DMD: variants seen among roughly 807,000 people sequenced by gnomAD.
DMD encodes mutant dystrophin.
DMD carries 63 observed loss-of-function variants against 330.1 expected under a neutral mutation model. That is an observed-to-expected ratio of 0.19 (90% CI 0.16 to 0.24). The LOEUF (loss-of-function observed/expected upper bound fraction) is 0.24. DMD is among the 10% of genes least tolerant of loss of function. The probability of loss-of-function intolerance (pLI) is 1.00; values close to 1 mark genes in which losing one functional copy is unlikely to be tolerated. For synonymous variants in DMD, 1,223 were observed against 959.8 expected, an observed-to-expected ratio of 1.27 and a Z score of -5.07; for missense variants, 3,344 against 2,684.1, an observed-to-expected ratio of 1.25 and a Z score of -5.43.
intron 2 of DMD, among the ~76,000 whole-genome samples, chrX:32,909,691 C>T (rs1412276035): frequency 9.0e-6 from 1 of 111,690 alleles, no homozygotes; most frequent in Non-Finnish European, 1.9e-5. Flanking sequence ...TACACACATC[C>T]AGTAAGAAAT....
At chrX:32,577,046 A>T (rs1426252425) in intron 13 of DMD, among the ~76,000 whole-genome samples, 2 of 111,875 alleles carry the variant, frequency 1.8e-5, no homozygotes, top group East Asian at 5.6e-4. Context: ...CACCTACTAC[A>T]TCGGAATGTG....
chrX:32,564,914 T>A (rs2051504660), intron 16 of DMD, among the ~76,000 whole-genome samples: 1 of 111,775 alleles, frequency 8.9e-6, no homozygotes, highest in African/African-American at 3.3e-5. Context: ...GCTATGAATT[T>A]TGAGTAAAGT....
At chrX:31,299,356 TA>T (rs202148271) in intron 62 of DMD, among the ~76,000 whole-genome samples, 4 of 108,863 alleles carry the variant, frequency 3.7e-5, no homozygotes, top group South Asian at 3.9e-4. Flanking sequence ...AATTTGAAGG[TA>T]AAAAAAAAGC....
At chrX:32,804,949 C>G (rs2076846559) in intron 7 of DMD, among the ~76,000 whole-genome samples, 1 of 111,962 alleles carries the variant, frequency 8.9e-6, no homozygotes. Flanking sequence ...CTCAGAAACC[C>G]CATCTGAAGG....
intron 55 of DMD, among the ~76,000 whole-genome samples, chrX:31,603,949 A>G (rs1274339664): frequency 8.9e-6 from 1 of 112,139 alleles, no homozygotes; most frequent in Admixed American, 9.5e-5. Flanking sequence ...ATGTGCTTCC[A>G]CAATCTCTAT....
chrX:32,707,014 C>G (rs2064732414), intron 7 of DMD, among the ~76,000 whole-genome samples: 1 of 110,435 alleles, frequency 9.1e-6, no homozygotes, highest in Non-Finnish European at 1.9e-5. Context: ...ATTGCTTGAA[C>G]CCGGGAGGCA....
chrX:32,541,290 T>C (rs1399210853), intron 17 of DMD, among the ~76,000 whole-genome samples: 1 of 111,110 alleles, frequency 9.0e-6, no homozygotes, highest in Non-Finnish European at 1.9e-5. Flanking sequence ...TCATCATCTC[T>C]ACTATCGTTA....
chrX:32,063,775 G>A (rs952085911), intron 44 of DMD, among the ~76,000 whole-genome samples: 10 of 110,662 alleles, frequency 9.0e-5, no homozygotes, highest in African/African-American at 2.9e-4. Context: ...TACAAAGATC[G>A]CGGATATTAA....
chrX:32,205,005 T>TCTCTCTCTCTCTCTCACACACA (rs60181300), intron 44 of DMD, among the ~76,000 whole-genome samples: 14 of 29,224 alleles, frequency 4.8e-4, no homozygotes, highest in African/African-American at 1.0e-3. Flanking sequence ...TCTCTCTCTC[T>TCTCTCTCTCTCTCTCACACACA]CACATACACA....
intron 77 of DMD, among the ~76,000 whole-genome samples, chrX:31,132,444 C>T (rs925694063): frequency 6.3e-5 from 7 of 111,394 alleles, no homozygotes; most frequent in Non-Finnish European, 1.3e-4. Flanking sequence ...TATGAAGAAG[C>T]AGAGTCATGA....
At chrX:32,736,426 A>G (rs2068494243) in intron 7 of DMD, among the ~76,000 whole-genome samples, 1 of 111,172 alleles carries the variant, frequency 9.0e-6, no homozygotes, top group African/African-American at 3.3e-5. Context: ...GTATATACCC[A>G]TAGGACTATA....
chrX:31,500,595 T>A (rs1180366260), intron 56 of DMD, among the ~76,000 whole-genome samples: 1 of 112,420 alleles, frequency 8.9e-6, no homozygotes, highest in East Asian at 2.8e-4. Context: ...TTCATGAGTG[T>A]ATATACCAGA....
intron 67 of DMD, among the ~76,000 whole-genome samples, chrX:31,187,681 A>AACATGTT (rs1337953691): frequency 9.4e-6 from 1 of 105,856 alleles, no homozygotes; most frequent in Non-Finnish European, 1.9e-5. Context: ...TCAGTAAAGC[A>AACATGTT]ACATGTTAAT....
intron 29 of DMD, among the ~76,000 whole-genome samples, chrX:32,433,800 C>T (rs2098248471): frequency 8.9e-6 from 1 of 111,958 alleles, no homozygotes; most frequent in East Asian, 2.8e-4. Flanking sequence ...AATACTATTA[C>T]CAATATTATT....
intron 62 of DMD, among the ~76,000 whole-genome samples, chrX:31,306,269 GTT>G (rs2055024551): frequency 9.0e-6 from 1 of 111,176 alleles, no homozygotes. Context: ...ATATCTTCTG[GTT>G]GGTTCATAAG....
rs2093985597 is a variant in DMD, at chrX:33,025,830, A to T, written c.32-5630T>A. On this transcript the variant is annotated intron_variant, in intron 1 of 78. Coordinates refer to ENST00000357033, the MANE Select transcript of DMD (RefSeq NM_004006.3). ...TGTCTCAGCCTCCCAAAGTGCTAGG[A>T]CTACAGGCATGAGCCACCACATTCG... 5.4e-5 allele frequency among the ~76,000 whole-genome samples: 6 copies of T among 111,958 alleles called. No homozygotes were observed. In the Admixed American group the frequency reaches 5.7e-4, roughly 11 times the overall value.
chrX:31,793,947 A>G (rs768012664), intron 50 of DMD, among the ~76,000 whole-genome samples: 1 of 111,906 alleles, frequency 8.9e-6, no homozygotes, highest in East Asian at 2.8e-4. Context: ...TTGCCCTTGT[A>G]TTACACAGGA....
At chrX:32,706,085 A>G (rs1227306531) in intron 7 of DMD, among the ~76,000 whole-genome samples, 3 of 107,753 alleles carry the variant, frequency 2.8e-5, no homozygotes, top group Non-Finnish European at 5.7e-5. Context: ...AGGGACATGG[A>G]TGAAGCTGGA....
chrX:33,106,867 G>A (rs1034407728), intron 1 of DMD, among the ~76,000 whole-genome samples: 23 of 112,046 alleles, frequency 2.1e-4, no homozygotes, highest in Non-Finnish European at 1.7e-4. Context: ...TGCTGTTTTC[G>A]ATATGGTTAT....
Sources: gnomAD v4.1 joint callset for allele counts (sites outside exome capture counted in the v4.1 genomes callset) on GRCh38, gnomAD v4.1.1 for gene constraint, MANE v1.5 for transcripts, NCBI Gene and HGNC (gene_info 2026-07-23, HGNC 2026-07-21) for gene names.